Variants in CD2AP observed in about 807,000 individuals in gnomAD.
CD2AP encodes CD2-associated protein.
Under a neutral mutation model 85.1 loss-of-function variants are expected in CD2AP, and 46 were observed. The observed-to-expected ratio is 0.54, with a 90% CI of 0.43 to 0.69. CD2AP has a LOEUF of 0.69. CD2AP is among the 30% of genes least tolerant of loss of function. The probability of loss-of-function intolerance (pLI) is 0.00; values close to 1 mark genes in which losing one functional copy is unlikely to be tolerated. For missense variants in CD2AP, 769 were observed against 729.5 expected, an observed-to-expected ratio of 1.05 and a Z score of -0.62; for synonymous variants, 255 against 252.9, an observed-to-expected ratio of 1.01 and a Z score of -0.08.
chr6:47,564,845 T>G (rs1157799095), intron 5 of CD2AP, among the ~76,000 whole-genome samples: 4 of 121,486 alleles, frequency 3.3e-5, no homozygotes. Context: ...TATAGTAGAA[T>G]GTACATTATA....
At chr6:47,572,275 C>G (rs193189425) in intron 5 of CD2AP, among the ~76,000 whole-genome samples, 75 of 152,340 alleles carry the variant, frequency 4.9e-4, no homozygotes, top group African/African-American at 1.7e-3. Flanking sequence ...CCCGGATCCA[C>G]TGCGATGGTG....
intron 17 of CD2AP, among the ~76,000 whole-genome samples, chr6:47,617,978 TCAAA>T (rs550812015): frequency 1.2e-3 from 190 of 152,316 alleles, no homozygotes; most frequent in Non-Finnish European, 2.0e-3. Flanking sequence ...AAGGCCCTGC[TCAAA>T]CAATTACCTT....
chr6:47,599,204 G>T, intron 12 of CD2AP, 97 bp from the exon 13 acceptor site: 1 of 961,128 alleles, frequency 1.0e-6, no homozygotes, highest in Non-Finnish European at 1.7e-6. Flanking sequence ...AAAGTAATCG[G>T]TATTAGGCCA....
At chr6:47,523,764 C>T (rs1456525569) in intron 2 of CD2AP, among the ~76,000 whole-genome samples, 1 of 152,096 alleles carries the variant, frequency 6.6e-6, no homozygotes, top group African/African-American at 2.4e-5. Flanking sequence ...AAAGTGTACT[C>T]GCATAGCATA....
chr6:47,587,037 A>G (rs1446476290), intron 11 of CD2AP, among the ~76,000 whole-genome samples: 1 of 152,186 alleles, frequency 6.6e-6, no homozygotes, highest in Non-Finnish European at 1.5e-5. Flanking sequence ...ACCTTTGGAC[A>G]CATGCATTCA....
At chr6:47,555,430 G>A (rs1037934981) in intron 5 of CD2AP, among the ~76,000 whole-genome samples, 4 of 152,124 alleles carry the variant, frequency 2.6e-5, no homozygotes, top group Non-Finnish European at 1.5e-5. Flanking sequence ...CGATGGAAAT[G>A]TATATGTAGT....
intron 13 of CD2AP, among the ~76,000 whole-genome samples, chr6:47,604,052 G>C (rs1769209167): frequency 6.6e-6 from 1 of 151,820 alleles, no homozygotes; most frequent in Non-Finnish European, 1.5e-5. Flanking sequence ...TAAGAAAATT[G>C]GCAACCATAA....
chr6:47,480,651 G>A (rs1197355511), intron 1 of CD2AP, among the ~76,000 whole-genome samples: 2 of 152,138 alleles, frequency 1.3e-5, no homozygotes, highest in African/African-American at 4.8e-5. Context: ...GTTACTACTT[G>A]TAAAGTGCTT....
chr6:47,604,168 G>A (rs1020699040), intron 13 of CD2AP, among the ~76,000 whole-genome samples: 1 of 152,106 alleles, frequency 6.6e-6, no homozygotes, highest in African/African-American at 2.4e-5. Flanking sequence ...GAGTGACAAT[G>A]TGATTGCAAA....
rs1404150990 is a variant in CD2AP, at chr6:47,626,863, T to G, written c.*2636T>G. 1 of 152,500 alleles carries G rather than the reference T, an allele frequency of 6.6e-6. No homozygotes were observed. Among genetic ancestry groups the G allele is most frequent in the African/African-American group, 2.4e-5 (1 of 41,444 alleles). The allele number at this position is 152,500 out of a possible 1,614,324, so 9.4% of individuals were successfully genotyped here. On this transcript the variant is annotated 3_prime_UTR_variant, in exon 18 of 18. Transcript: ENST00000359314. ...GTATTATAATGTAAAGGCCTTGTTTTGCTGTAGCAATAAAATGACCAAGTG... is the reference window on the plus strand; with the variant it reads ...GTATTATAATGTAAAGGCCTTGTTTGGCTGTAGCAATAAAATGACCAAGTG...
chr6:47,501,872 T>C (rs1443546982), intron 1 of CD2AP, among the ~76,000 whole-genome samples: 1 of 152,228 alleles, frequency 6.6e-6, no homozygotes, highest in Non-Finnish European at 1.5e-5. Flanking sequence ...TACATATTAA[T>C]CTTCATTTTA....
At chr6:47,596,384 G>T (rs550669337) in intron 12 of CD2AP, among the ~76,000 whole-genome samples, 1 of 151,984 alleles carries the variant, frequency 6.6e-6, no homozygotes, top group Non-Finnish European at 1.5e-5. Context: ...CTATCTAACC[G>T]TATGTATTCC....
rs149649083 is a variant in CD2AP, at chr6:47,612,613, G to A, written c.1878+77G>A. 995 of 944,970 alleles carry A rather than the reference G, an allele frequency of 1.1e-3. 4 individuals carry two copies. In the African/African-American group the frequency reaches 0.013, roughly 12 times the overall value. The allele number at this position is 944,970 out of a possible 1,614,324, so 58.5% of individuals were successfully genotyped here. A position where few individuals can be genotyped will look rare whatever the true frequency, so the allele number is the denominator to read the frequency against. ...TTTTTCCCAACCCAACTGGGTAATC[G>A]GTTCCTGTACAAATTATGCTATACT... On this transcript the variant is annotated intron_variant, in intron 17 of 17. Coordinates refer to ENST00000359314, the MANE Select transcript of CD2AP (RefSeq NM_012120.3).
At chr6:47,602,072 A>G (rs552790370) in intron 13 of CD2AP, among the ~76,000 whole-genome samples, 19 of 152,082 alleles carry the variant, frequency 1.2e-4, no homozygotes, top group Non-Finnish European at 2.7e-4. Flanking sequence ...GTTCTAATCT[A>G]TAAAGGATAT....
At chr6:47,580,490 T>G (rs1403369065) in intron 9 of CD2AP, among the ~76,000 whole-genome samples, 3 of 151,934 alleles carry the variant, frequency 2.0e-5, no homozygotes, top group Non-Finnish European at 4.4e-5. Flanking sequence ...GTCTCTCCCT[T>G]GTTCTGCCAG....
chr6:47,535,735 A>G (rs1165929160), intron 3 of CD2AP, among the ~76,000 whole-genome samples: 1 of 152,188 alleles, frequency 6.6e-6, no homozygotes, highest in Non-Finnish European at 1.5e-5. Flanking sequence ...TGGGGGACAA[A>G]TAACAGTTTT....
intron 4 of CD2AP, chr6:47,544,918 A>T: frequency 2.1e-6 from 1 of 466,096 alleles, no homozygotes; most frequent in Non-Finnish European, 3.8e-6. Flanking sequence ...TAAAGCTAAA[A>T]ATTAATGAAA....
intron 17 of CD2AP, among the ~76,000 whole-genome samples, chr6:47,622,621 G>A (rs567573675): frequency 2.0e-5 from 3 of 152,286 alleles, no homozygotes; most frequent in African/African-American, 7.2e-5. Flanking sequence ...TCTCCAGTGC[G>A]GGGTGTGTGT....
intron 2 of CD2AP, among the ~76,000 whole-genome samples, chr6:47,516,712 C>T (rs1283058710): frequency 4.0e-5 from 6 of 150,866 alleles, no homozygotes; most frequent in Non-Finnish European, 4.4e-5. Context: ...ATTTTTTTTT[C>T]AGTGTGAGTG....
Sources: gnomAD v4.1 joint callset for allele counts (sites outside exome capture counted in the v4.1 genomes callset) on GRCh38, gnomAD v4.1.1 for gene constraint, MANE v1.5 for transcripts, NCBI Gene and HGNC (gene_info 2026-07-23, HGNC 2026-07-21) for gene names.